Variants in COMMD1 observed in about 807,000 individuals in gnomAD.
The protein encoded by COMMD1 is copper metabolism domain containing 1.
In COMMD1, 10 loss-of-function variants were observed where a neutral mutation model predicts 17.2. That is an observed-to-expected ratio of 0.58 (90% confidence interval 0.36 to 0.99). The LOEUF (loss-of-function observed/expected upper bound fraction) is 0.99. Among genes scored for constraint, COMMD1 ranks in the 50% least tolerant of loss-of-function variants. The pLI is 0.01. For missense variants in COMMD1, 270 were observed against 231.8 expected (o/e 1.17, Z -1.07); for synonymous variants, 97 against 91.6 (o/e 1.06, Z -0.34).
chr2:61,977,728 T>C (rs1671842906), intron 1 of COMMD1, among the ~76,000 whole-genome samples: 1 of 151,760 alleles, frequency 6.6e-6, no homozygotes, highest in Non-Finnish European at 1.5e-5. Context: ...GGCTCATGCC[T>C]GTAATCCCAG....
intron 1 of COMMD1, among the ~76,000 whole-genome samples, chr2:61,933,256 C>T (rs1253967422): frequency 2.6e-5 from 4 of 151,828 alleles, no homozygotes; most frequent in Non-Finnish European, 5.9e-5. Context: ...CTTGTATCCA[C>T]ATTGCTCAGC....
intron 2 of COMMD1, among the ~76,000 whole-genome samples, chr2:62,063,077 T>C (rs1266392705): frequency 1.3e-5 from 2 of 151,246 alleles, no homozygotes; most frequent in Non-Finnish European, 3.0e-5. Context: ...ATTAGCTGGG[T>C]GTGGTGGCAG....
intron 1 of COMMD1, among the ~76,000 whole-genome samples, chr2:61,889,873 G>A (rs558771413): frequency 6.6e-6 from 1 of 152,158 alleles, no homozygotes; most frequent in Non-Finnish European, 1.5e-5. Flanking sequence ...TAAGCACAGT[G>A]CTAAACCTTT....
chr2:61,897,796 C>G (rs1359938713), intron 1 of COMMD1, among the ~76,000 whole-genome samples: 1 of 152,014 alleles, frequency 6.6e-6, no homozygotes, highest in East Asian at 1.9e-4. Context: ...ACTCTTTATC[C>G]CTATGTCCTA....
At chr2:61,888,396 T>G, upstream of COMMD1, 1 of 1,612,620 alleles carries the variant, frequency 6.2e-7, no homozygotes, top group Non-Finnish European at 8.5e-7. Flanking sequence ...GCGGCGGAAA[T>G]GTTGCTGAAG....
chr2:62,096,773 A>T (rs1368027155), intron 2 of COMMD1, among the ~76,000 whole-genome samples: 1 of 152,242 alleles, frequency 6.6e-6, no homozygotes, highest in African/African-American at 2.4e-5. Context: ...ATTGTAATTT[A>T]TCTTTTGACA....
At chr2:61,960,897 G>A (rs1284029559) in intron 1 of COMMD1, among the ~76,000 whole-genome samples, 2 of 152,214 alleles carry the variant, frequency 1.3e-5, no homozygotes, top group Non-Finnish European at 2.9e-5. Context: ...TTACCTGGTT[G>A]AGGCCCCTGA....
At chr2:61,913,466 A>G (rs1669964457) in intron 1 of COMMD1, among the ~76,000 whole-genome samples, 1 of 151,684 alleles carries the variant, frequency 6.6e-6, no homozygotes, top group Non-Finnish European at 1.5e-5. Flanking sequence ...TCATGAGGTC[A>G]GGAGATCGAG....
At chr2:61,988,804 C>T (rs1672170869) in intron 1 of COMMD1, among the ~76,000 whole-genome samples, 3 of 152,198 alleles carry the variant, frequency 2.0e-5, no homozygotes, top group Admixed American at 2.0e-4. Context: ...CTTTAGCTTT[C>T]TGTGGTGAGG....
chr2:62,117,428 G>A (rs1672637879), intron 2 of COMMD1, among the ~76,000 whole-genome samples: 1 of 152,198 alleles, frequency 6.6e-6, no homozygotes, highest in African/African-American at 2.4e-5. Context: ...GCCTATTAAT[G>A]ATGGCGTTTA....
At chr2:62,053,304 A>G (rs764858215) in intron 2 of COMMD1, among the ~76,000 whole-genome samples, 1 of 152,066 alleles carries the variant, frequency 6.6e-6, no homozygotes, top group Admixed American at 6.5e-5. Context: ...TAATTTGCTC[A>G]TATATTTTTG....
In COMMD1 at chr2:62,000,922, C is replaced by T; in HGVS notation, c.402C>T (p.His134=). Reference sequence around the variant, plus strand: ...TTGATGGCAAGTCTCAGTCAAGGCACTCAGCTCAAATACACACACCTGTTG... The same window carrying T: ...TTGATGGCAAGTCTCAGTCAAGGCATTCAGCTCAAATACACACACCTGTTG... ...WRVDGKSQSR[H]SAQIHTPVAI... Residue 134 remains histidine, a synonymous_variant, in exon 2 of 3, where the codon CAC becomes CAT. Coordinates refer to ENST00000311832, the MANE Select transcript of COMMD1 (RefSeq NM_152516.4). 1.9e-6 allele frequency: 3 copies of T among 1,614,166 alleles called. No homozygotes were observed. The highest frequency in any genetic ancestry group is 2.5e-6 in the Non-Finnish European group (3 of 1,180,034).
At chr2:62,012,411 C>T (rs567730238) in intron 2 of COMMD1, among the ~76,000 whole-genome samples, 3 of 151,720 alleles carry the variant, frequency 2.0e-5, no homozygotes, top group African/African-American at 7.3e-5. Flanking sequence ...CTCTGCCTCC[C>T]AGGTTCAAGC....
At chr2:62,002,554 G>T (rs912413103) in intron 2 of COMMD1, among the ~76,000 whole-genome samples, 3 of 134,956 alleles carry the variant, frequency 2.2e-5, no homozygotes, top group African/African-American at 8.2e-5. Flanking sequence ...TTGGCCAGGC[G>T]CAGTGGCTCA....
chr2:61,991,620 A>G (rs931485766), intron 1 of COMMD1, among the ~76,000 whole-genome samples: 56 of 152,328 alleles, frequency 3.7e-4, no homozygotes, highest in Non-Finnish European at 7.5e-4. Context: ...TGGGGAAGCC[A>G]TACTTGAACT....
chr2:62,066,008 C>T (rs1671027567), intron 2 of COMMD1, among the ~76,000 whole-genome samples: 1 of 152,162 alleles, frequency 6.6e-6, no homozygotes. Flanking sequence ...TTGGGTCTTT[C>T]CACTTAGCAC....
At position 62,055,718 on chromosome 2, in the gene COMMD1, G is replaced by C. The variant is rs186477316; in HGVS notation, c.462+54736G>C. Among the ~76,000 whole-genome samples the C allele has an allele frequency of 2.0e-3, 305 of 152,320 alleles. 1 individual carries two copies. The highest frequency in any genetic ancestry group is 6.9e-3 in the African/African-American group (285 of 41,562). On this transcript the variant is annotated intron_variant, in intron 2 of 2. Transcript: ENST00000311832. ...AAAGCTAAGAAGCCCTTTACTATTG[G>C]TAAGAGTTGATCCTAAGGACATTTG...
chr2:61,929,384 C>T (rs113107492), intron 1 of COMMD1, among the ~76,000 whole-genome samples: 37 of 152,288 alleles, frequency 2.4e-4, no homozygotes, highest in African/African-American at 8.4e-4. Flanking sequence ...GCAACTTTCA[C>T]AGAGAGGTGC....
At chr2:62,116,846 C>G (rs943614007) in intron 2 of COMMD1, among the ~76,000 whole-genome samples, 1 of 150,692 alleles carries the variant, frequency 6.6e-6, no homozygotes, top group Non-Finnish European at 1.5e-5. Context: ...AAATACAAAA[C>G]TAGCCGAGCA....
Sources: allele counts gnomAD v4.1 joint callset (sites outside exome capture counted in the v4.1 genomes callset), GRCh38; gene constraint gnomAD v4.1.1; transcripts MANE v1.5; gene names NCBI Gene and HGNC (gene_info 2026-07-23, HGNC 2026-07-21).